UGT2A1: variants seen among roughly 807,000 people sequenced by gnomAD.
The protein encoded by UGT2A1 is UDP glucuronosyltransferase family 2 member A1 complex locus.
In UGT2A1, 61 loss-of-function variants were observed where a neutral mutation model predicts 45.4. The observed-to-expected ratio is 1.34, with a 90% CI of 1.09 to 1.66. The LOEUF (loss-of-function observed/expected upper bound fraction) is 1.66. UGT2A1 is among the 40% of genes most tolerant of loss of function. UGT2A1 has a pLI of 0.00. For synonymous variants in UGT2A1, 229 were observed against 196.2 expected (o/e 1.17, Z -1.40); for missense variants, 649 against 574.3 (o/e 1.13, Z -1.33).
At chr4:69,624,969 T>C (rs1720958983) in intron 3 of UGT2A1, among the ~76,000 whole-genome samples, 1 of 151,070 alleles carries the variant, frequency 6.6e-6, no homozygotes, top group Non-Finnish European at 1.5e-5. Context: ...AGTGGTGGTC[T>C]ATAGAAGATT....
chr4:69,619,754 A>G (rs980120950), intron 3 of UGT2A1, among the ~76,000 whole-genome samples: 2 of 152,054 alleles, frequency 1.3e-5, no homozygotes, highest in Non-Finnish European at 2.9e-5. Context: ...AAAATCCTCA[A>G]CAAAATACTT....
Position 69,589,438 on chromosome 4 carries a change from G to A in UGT2A1, c.1518C>T (p.Val506=). ...GACAGGAAAACAAACAACATTGTAT[G>A]ACCAAAAATATAGCCGTTGTCACAC... ...LVCVTTAIFL[V]IQCCLFSCQK... is the part of the protein sequence containing the mutation. The change falls in exon 7 of 7, where the codon GTC becomes GTT. Residue 506 remains valine (V), a synonymous_variant. Transcript: ENST00000286604. The A allele has an allele frequency of 1.2e-6, 2 of 1,613,800 alleles. No homozygotes were observed. Among genetic ancestry groups the A allele is most frequent in the Non-Finnish European group, 1.7e-6 (2 of 1,179,934 alleles).
chr4:69,606,803 G>T (rs539718551), intron 3 of UGT2A1, among the ~76,000 whole-genome samples: 1 of 136,466 alleles, frequency 7.3e-6, no homozygotes, highest in African/African-American at 3.0e-5. Flanking sequence ...GCCAAATCAC[G>T]AGTGAGCTCC....
chr4:69,631,396 G>C (rs1721378315), intron 3 of UGT2A1, among the ~76,000 whole-genome samples: 1 of 151,908 alleles, frequency 6.6e-6, no homozygotes, highest in Non-Finnish European at 1.5e-5. Flanking sequence ...TAATCCAAAT[G>C]TTTAGAAAAA....
At chr4:69,622,153 A>C (rs1720790390) in intron 3 of UGT2A1, among the ~76,000 whole-genome samples, 2 of 151,846 alleles carry the variant, frequency 1.3e-5, no homozygotes, top group Admixed American at 1.3e-4. Flanking sequence ...CTCCTGAACC[A>C]AAAGGTTTTT....
At chr4:69,599,563 TGGAAGAAAGGAAGGA>T in intron 3 of UGT2A1, 169 bp from the exon 4 acceptor site, 1 of 965,322 alleles carries the variant, frequency 1.0e-6, no homozygotes, top group Non-Finnish European at 1.4e-6. Flanking sequence ...TTAAAGAGGA[TGGAAGAAAGGAAGGA>T]GGAAGGAAGA....
At chr4:69,621,896 T>C (rs1720777872) in intron 3 of UGT2A1, among the ~76,000 whole-genome samples, 1 of 151,776 alleles carries the variant, frequency 6.6e-6, no homozygotes, top group Admixed American at 6.6e-5. Flanking sequence ...CTTAGCAAAC[T>C]AATGCAGACA....
intron 3 of UGT2A1, among the ~76,000 whole-genome samples, chr4:69,633,814 G>T (rs780143742): frequency 1.3e-5 from 2 of 152,098 alleles, no homozygotes; most frequent in Non-Finnish European, 2.9e-5. Context: ...ACTGATAAGC[G>T]GATGAAAGAG....
At chr4:69,648,075 G>T (rs558530084) in intron 1 of UGT2A1, among the ~76,000 whole-genome samples, 191 of 151,650 alleles carry the variant, frequency 1.3e-3, no homozygotes, top group Middle Eastern at 3.4e-3. Flanking sequence ...TGTTAATGCT[G>T]TAAGTTTTTA....
At chr4:69,635,134 A>C (rs1181792487) in intron 3 of UGT2A1, among the ~76,000 whole-genome samples, 2 of 152,174 alleles carry the variant, frequency 1.3e-5, no homozygotes, top group African/African-American at 4.8e-5. Flanking sequence ...AATAAAAATA[A>C]ATTTAAAAAG....
intron 3 of UGT2A1, chr4:69,599,690 AAAG>A (rs1272361304): frequency 1.5e-5 from 3 of 200,008 alleles, no homozygotes; most frequent in Non-Finnish European, 2.0e-5. Flanking sequence ...AGGTAGAAAT[AAAG>A]AAAGAGAGAG....
chr4:69,647,546 C>T lies in UGT2A1; in HGVS notation c.99G>A (p.Trp33Ter), dbSNP rs752108889. The T allele has an allele frequency of 1.9e-6, 3 of 1,612,556 alleles. No individual in the cohort carries two copies. Among genetic ancestry groups the T allele is most frequent in the Non-Finnish European group, 2.5e-6 (3 of 1,179,146 alleles). The stretch of plus-strand genomic sequence containing the variant: ...CATCTATAATTATCTTAACATTTAG[C>T]CAATGACTACCTTCCATTGGCCAAA... ...VLIWPMEGSH[W>*]LNVKIIIDEL... The change falls in exon 2 of 7, where the codon TGG becomes TGA. Residue 33 changes from tryptophan to a stop codon, truncating the protein, a stop_gained. Coordinates refer to ENST00000286604, the MANE Select transcript of UGT2A1 (RefSeq NM_001252275.3). LOFTEE classifies it high-confidence loss of function.
In UGT2A1 at chr4:69,615,688, C is replaced by T. The variant is rs1156417144; in HGVS notation, c.848-16294G>A. The stretch of plus-strand genomic sequence containing the variant: ...TATCATCTGAGCCCAGTTCAAATGG[C>T]TTTTACCACCCTGACCCCGCCGCAA... On this transcript the variant is annotated intron_variant, in intron 3 of 6. Transcript: ENST00000286604. 2.0e-5 allele frequency among the ~76,000 whole-genome samples: 3 copies of T among 151,956 alleles called. No homozygotes were observed. In the East Asian group the frequency reaches 5.8e-4, roughly 29 times the overall value.
intron 1 of UGT2A1, among the ~76,000 whole-genome samples, chr4:69,652,213 A>G (rs1578014549): frequency 6.6e-6 from 1 of 151,716 alleles, no homozygotes; most frequent in Non-Finnish European, 1.5e-5. Context: ...AGGAGTTAGC[A>G]TGGCATTCAC....
chr4:69,592,752 G>A (rs1450318107), intron 6 of UGT2A1, among the ~76,000 whole-genome samples: 2 of 151,798 alleles, frequency 1.3e-5, no homozygotes, highest in Non-Finnish European at 2.9e-5. Context: ...AGACTAAACT[G>A]GTGCTCCAGA....
chr4:69,620,183 A>G lies in UGT2A1; in HGVS notation c.847+15508T>C, dbSNP rs570838303. Reference sequence around the variant, plus strand: ...AAAGGCATCCAAATAGGAAGAGAGAAAGTCAAACTTTCCTGGTTCACACAC... The same window carrying G: ...AAAGGCATCCAAATAGGAAGAGAGAGAGTCAAACTTTCCTGGTTCACACAC... On this transcript the variant is annotated intron_variant, in intron 3 of 6. Transcript: ENST00000286604. 1.1e-3 allele frequency among the ~76,000 whole-genome samples: 167 copies of G among 152,150 alleles called. 1 individual carries two copies. The highest frequency in any genetic ancestry group is 3.9e-3 in the African/African-American group (163 of 41,550).
At chr4:69,627,026 A>C (rs946130989) in intron 3 of UGT2A1, among the ~76,000 whole-genome samples, 12 of 151,874 alleles carry the variant, frequency 7.9e-5, no homozygotes, top group Non-Finnish European at 1.2e-4. Flanking sequence ...TTATTAGATA[A>C]TGGCATATAA....
chr4:69,589,725 A>G (rs1718483586), intron 6 of UGT2A1, 74 bp from the exon 7 acceptor site: 1 of 1,528,900 alleles, frequency 6.5e-7, no homozygotes, highest in Non-Finnish European at 8.8e-7. Context: ...TATGTGATAC[A>G]CTTTTGCTCT....
At chr4:69,609,252 A>C (rs953512861) in intron 3 of UGT2A1, among the ~76,000 whole-genome samples, 1 of 151,750 alleles carries the variant, frequency 6.6e-6, no homozygotes, top group African/African-American at 2.4e-5. Context: ...TTATGAGCCC[A>C]AGAAATCCTC....
Sources: allele counts gnomAD v4.1 joint callset (sites outside exome capture counted in the v4.1 genomes callset), GRCh38; gene constraint gnomAD v4.1.1; transcripts MANE v1.5; gene names NCBI Gene and HGNC (gene_info 2026-07-23, HGNC 2026-07-21).